LRTM3: variants seen among roughly 807,000 people sequenced by gnomAD.
LRTM3 encodes leucine rich repeat transmembrane protein 3.
the LRTM3 span, chr13:102,730,500 G>A: frequency 1.9e-5 from 30 of 1,551,338 alleles, no homozygotes; most frequent in Middle Eastern, 8.3e-4. Flanking sequence ...AACCATACAT[G>A]ATATTGTTTG....
chr13:102,739,080 C>T, the LRTM3 span: 10 of 1,550,280 alleles, frequency 6.5e-6, no homozygotes, highest in Admixed American at 7.9e-5. Flanking sequence ...CTCATGTATA[C>T]CTCTTTTATT....
At chr13:102,752,398 G>C in the LRTM3 span, among the ~76,000 whole-genome samples, 1 of 152,062 alleles carries the variant, frequency 6.6e-6, no homozygotes, top group African/African-American at 2.4e-5. Flanking sequence ...GCCTGTTTCT[G>C]GCTTCTGACA....
chr13:102,745,270 A>C, the LRTM3 span: 2 of 1,550,854 alleles, frequency 1.3e-6, no homozygotes, highest in South Asian at 1.2e-5. Flanking sequence ...CATCTTGAAG[A>C]AGGGTTTCTT....
chr13:102,738,386 T>C, the LRTM3 span: 1 of 1,550,948 alleles, frequency 6.4e-7, no homozygotes, highest in Non-Finnish European at 8.7e-7. Flanking sequence ...CTCTGCTTTT[T>C]CTCTCCTTGT....
At chr13:102,748,196 T>C in the LRTM3 span, 1 of 1,551,138 alleles carries the variant, frequency 6.4e-7, no homozygotes, top group South Asian at 1.2e-5. Flanking sequence ...CGTTTCTTTA[T>C]CTTGATGCAT....
the LRTM3 span, chr13:102,729,790 C>T: frequency 1.3e-6 from 2 of 1,551,838 alleles, no homozygotes; most frequent in Admixed American, 3.9e-5. Flanking sequence ...TGTCACGTTT[C>T]CCTTTGCTGT....
chr13:102,756,220 G>A, the LRTM3 span, among the ~76,000 whole-genome samples: 1 of 150,698 alleles, frequency 6.6e-6, no homozygotes, highest in Non-Finnish European at 1.5e-5. Context: ...CCAAAATGCT[G>A]GGATTACAGG....
At chr13:102,742,368 T>C in the LRTM3 span, 14 of 1,546,594 alleles carry the variant, frequency 9.1e-6, no homozygotes, top group Middle Eastern at 1.7e-4. Flanking sequence ...GAAATAGATG[T>C]GTAGGGATTA....
the LRTM3 span, chr13:102,741,734 C>T: frequency 6.5e-7 from 1 of 1,550,344 alleles, no homozygotes; most frequent in Non-Finnish European, 8.7e-7. Flanking sequence ...TCTCTTCGAT[C>T]CTTCTCTCTC....
the LRTM3 span, chr13:102,731,261 G>A: frequency 5.2e-6 from 8 of 1,551,114 alleles, no homozygotes; most frequent in Non-Finnish European, 7.0e-6. Context: ...TTTTGAGTTA[G>A]GTTCTATGGT....
the LRTM3 span, among the ~76,000 whole-genome samples, chr13:102,757,676 G>C: frequency 1.3e-5 from 2 of 152,238 alleles, no homozygotes; most frequent in East Asian, 3.9e-4. Context: ...TTAAAATTCA[G>C]CTCCAGGATA....
At chr13:102,744,862 T>C in the LRTM3 span, 4 of 1,550,910 alleles carry the variant, frequency 2.6e-6, no homozygotes, top group East Asian at 2.4e-5. Context: ...CAGTTGCTTG[T>C]AGATCTTTAT....
At chr13:102,753,788 G>A in the LRTM3 span, among the ~76,000 whole-genome samples, 20 of 152,198 alleles carry the variant, frequency 1.3e-4, no homozygotes, top group East Asian at 2.1e-3. Context: ...AAAATTTTGC[G>A]TTGGATGATC....
the LRTM3 span, chr13:102,732,327 C>T: frequency 6.4e-7 from 1 of 1,551,274 alleles, no homozygotes; most frequent in Non-Finnish European, 8.7e-7. Context: ...ACATCATACT[C>T]TAATTTCTTT....
the LRTM3 span, chr13:102,745,061 T>C: frequency 6.4e-7 from 1 of 1,550,784 alleles, no homozygotes; most frequent in Non-Finnish European, 8.7e-7. Flanking sequence ...TTTCTTTGTC[T>C]CCTCTCTTTG....
chr13:102,744,293 G>C, the LRTM3 span: 2 of 1,550,398 alleles, frequency 1.3e-6, no homozygotes, highest in African/African-American at 1.4e-5. Flanking sequence ...TTCATATTCA[G>C]ATGACATGAG....
the LRTM3 span, chr13:102,740,337 T>G: frequency 6.5e-7 from 1 of 1,550,260 alleles, no homozygotes; most frequent in Non-Finnish European, 8.7e-7. Flanking sequence ...TCTAGTCTAT[T>G]CTTAGTTATA....
the LRTM3 span, chr13:102,739,077 A>T: frequency 6.5e-7 from 1 of 1,550,376 alleles, no homozygotes; most frequent in Admixed American, 2.0e-5. Context: ...CCTCTCATGT[A>T]TACCTCTTTT....
chr13:102,745,007 T>A, the LRTM3 span: 2 of 1,550,862 alleles, frequency 1.3e-6, no homozygotes, highest in Non-Finnish European at 1.7e-6. Flanking sequence ...AGGAAGAAGT[T>A]TTGAATTTAC....
Sources: allele counts gnomAD v4.1 joint callset (sites outside exome capture counted in the v4.1 genomes callset), GRCh38; gene constraint gnomAD v4.1.1; transcripts MANE v1.5; gene names NCBI Gene and HGNC (gene_info 2026-07-23, HGNC 2026-07-21).